ATRNL1: variants seen among roughly 807,000 people sequenced by gnomAD.
ATRNL1 encodes the protein attractin like 1.
ATRNL1 carries 95 observed loss-of-function variants against 182.7 expected under a neutral mutation model. The ratio of observed to expected loss-of-function variants is 0.52; its 90% CI spans 0.44 to 0.62. The LOEUF is 0.62. Among genes scored for constraint, ATRNL1 ranks in the 20% least tolerant of loss-of-function variants. ATRNL1 has a pLI of 0.00. For missense variants in ATRNL1, 1,471 were observed against 1,679.5 expected, an observed-to-expected ratio of 0.88 and a Z score of 2.17; for synonymous variants, 576 against 568.3, an observed-to-expected ratio of 1.01 and a Z score of -0.19.
chr10:115,448,182 C>T (rs1183335434), intron 21 of ATRNL1, among the ~76,000 whole-genome samples: 1 of 152,028 alleles, frequency 6.6e-6, no homozygotes, highest in Non-Finnish European at 1.5e-5. Context: ...CAGCAAATAT[C>T]TTCTCATAGT....
rs71010018 is a variant in ATRNL1, at chr10:115,381,449, T to TTTTTTTTTTTTTTTTTC, written c.3176-13210_3176-13209insTTTTTTTTTTTTTTTTC. Among the ~76,000 whole-genome samples, 8 of 144,416 alleles carry TTTTTTTTTTTTTTTTTC rather than the reference T, an allele frequency of 5.5e-5. No individual in the cohort carries two copies. In the South Asian group the frequency reaches 1.8e-3, roughly 32 times the overall value. 94.7% of individuals were successfully genotyped at this position (144,416 alleles called of 152,430 possible). On this transcript the variant is annotated intron_variant, in intron 19 of 28. Transcript: ENST00000355044. ...ACCTGGCAATTTTTTTTTTTTTTTT[T>TTTTTTTTTTTTTTTTTC]AGTAGACATGGGGTTTCTTCACCAT...
intron 26 of ATRNL1, among the ~76,000 whole-genome samples, chr10:115,584,447 G>C (rs1855364771): frequency 7.0e-6 from 1 of 141,852 alleles, no homozygotes; most frequent in African/African-American, 2.5e-5. Flanking sequence ...GGTCTATTCA[G>C]AGATTCAACT....
chr10:115,886,344 G>T lies in ATRNL1; in HGVS notation c.4018+38353G>T, dbSNP rs143025835. Among the ~76,000 whole-genome samples, 614 of 152,162 alleles carry T rather than the reference G, an allele frequency of 4.0e-3. 7 individuals carry two copies. Among genetic ancestry groups the T allele is most frequent in the African/African-American group, 0.015 (604 of 41,532 alleles). ...AGCCTGACTAACATGGAGAAACCCC[G>T]TCTCTACTAAAAATACAAAATTAGC... On this transcript the variant is annotated intron_variant, in intron 28 of 28. Transcript: ENST00000355044.
At chr10:115,925,735 C>T (rs1233443451) in intron 28 of ATRNL1, among the ~76,000 whole-genome samples, 2 of 152,120 alleles carry the variant, frequency 1.3e-5, no homozygotes, top group African/African-American at 4.8e-5. Flanking sequence ...TATACACGCA[C>T]CCAATACAGG....
chr10:115,652,427 T>C (rs782644136), intron 26 of ATRNL1, among the ~76,000 whole-genome samples: 13 of 152,122 alleles, frequency 8.5e-5, no homozygotes, highest in Non-Finnish European at 1.9e-4. Context: ...TAATAAGTTG[T>C]GATGCACATT....
intron 18 of ATRNL1, among the ~76,000 whole-genome samples, chr10:115,316,570 A>G (rs1245854037): frequency 6.6e-6 from 1 of 152,062 alleles, no homozygotes; most frequent in Non-Finnish European, 1.5e-5. Flanking sequence ...CCTCGCTAAC[A>G]TCTATTGTTT....
intron 8 of ATRNL1, among the ~76,000 whole-genome samples, chr10:115,174,925 C>G (rs782345142): frequency 6.6e-6 from 1 of 151,768 alleles, no homozygotes; most frequent in Non-Finnish European, 1.5e-5. Flanking sequence ...TAGTAAATGG[C>G]CCAAAGTTCC....
chr10:115,452,858 A>G lies in ATRNL1; in HGVS notation c.3323-9083A>G, dbSNP rs539363108. 2.0e-4 allele frequency among the ~76,000 whole-genome samples: 30 copies of G among 152,076 alleles called. No homozygotes were observed. In the South Asian group the frequency reaches 5.4e-3, roughly 27 times the overall value. ...AACCCTTCCCCTTTTCTTTCTCCCT[A>G]TCCCAGCACCTGGTAACCACCTTTC... is the stretch of plus-strand genomic sequence containing the variant. On this transcript the variant is annotated intron_variant, in intron 21 of 28. Coordinates refer to ENST00000355044, the MANE Select transcript of ATRNL1 (RefSeq NM_207303.4).
chr10:115,596,120 T>C (rs1250871542), intron 26 of ATRNL1, among the ~76,000 whole-genome samples: 1 of 152,194 alleles, frequency 6.6e-6, no homozygotes, highest in Non-Finnish European at 1.5e-5. Context: ...TATTCTTTTT[T>C]TTGAGACTGA....
At chr10:115,835,411 C>A (rs528778666) in intron 27 of ATRNL1, among the ~76,000 whole-genome samples, 1 of 152,260 alleles carries the variant, frequency 6.6e-6, no homozygotes, top group South Asian at 2.1e-4. Context: ...GCACCAAGAT[C>A]ATAATTTCTG....
At chr10:115,612,852 C>T (rs782091025) in intron 26 of ATRNL1, among the ~76,000 whole-genome samples, 1 of 151,626 alleles carries the variant, frequency 6.6e-6, no homozygotes, top group African/African-American at 2.4e-5. Flanking sequence ...CCAAGTTTGA[C>T]ACAAATGACT....
intron 19 of ATRNL1, among the ~76,000 whole-genome samples, chr10:115,350,640 C>G (rs1166316521): frequency 5.3e-5 from 8 of 151,936 alleles, no homozygotes; most frequent in Admixed American, 3.3e-4. Context: ...TGTCTTTATG[C>G]CAGTATCATG....
intron 2 of ATRNL1, 131 bp downstream of exon 2, chr10:115,120,399 C>T: frequency 2.2e-6 from 1 of 453,146 alleles, no homozygotes; most frequent in Non-Finnish European, 3.9e-6. Flanking sequence ...ATATTTACAA[C>T]TTCTAGACAT....
intron 5 of ATRNL1, among the ~76,000 whole-genome samples, chr10:115,155,316 T>C (rs1427897467): frequency 1.3e-5 from 2 of 152,068 alleles, no homozygotes; most frequent in African/African-American, 4.8e-5. Context: ...AGGTTTCTAT[T>C]GATATATGGG....
In ATRNL1 at chr10:115,809,420, T is replaced by C. The variant is rs920957162; in HGVS notation, c.3904-38457T>C. ...TGGACCAATATAGGGGGAATTGATA[T>C]CTGAAGTCTTGTGTCTCTTCTAAGC... is the stretch of plus-strand genomic sequence containing the variant. On this transcript the variant is annotated intron_variant, in intron 27 of 28. Transcript: ENST00000355044. 2.6e-5 allele frequency among the ~76,000 whole-genome samples: 4 copies of C among 152,070 alleles called. No individual in the cohort carries two copies. In the East Asian group the frequency reaches 7.7e-4, roughly 29 times the overall value.
intron 28 of ATRNL1, among the ~76,000 whole-genome samples, chr10:115,865,640 A>G (rs1346959062): frequency 6.6e-6 from 1 of 152,216 alleles, no homozygotes; most frequent in East Asian, 1.9e-4. Flanking sequence ...CAGGTAAAGA[A>G]ATGAGGTTAC....
chr10:115,358,248 G>C (rs568768697), intron 19 of ATRNL1, among the ~76,000 whole-genome samples: 1 of 151,746 alleles, frequency 6.6e-6, no homozygotes, highest in East Asian at 1.9e-4. Flanking sequence ...AGAAAAAAGA[G>C]ACAATTTTCT....
intron 26 of ATRNL1, among the ~76,000 whole-genome samples, chr10:115,620,398 C>T (rs1167384732): frequency 6.6e-6 from 1 of 151,930 alleles, no homozygotes; most frequent in Non-Finnish European, 1.5e-5. Context: ...GGACAGATAT[C>T]CAAATTATAT....
chr10:115,283,050 C>G (rs1554917490), intron 14 of ATRNL1, among the ~76,000 whole-genome samples: 2 of 151,930 alleles, frequency 1.3e-5, no homozygotes, highest in Non-Finnish European at 2.9e-5. Context: ...AATTCCATCA[C>G]AGAATTTGTC....
Sources: gnomAD v4.1 joint callset for allele counts (sites outside exome capture counted in the v4.1 genomes callset) on GRCh38, gnomAD v4.1.1 for gene constraint, MANE v1.5 for transcripts, NCBI Gene and HGNC (gene_info 2026-07-23, HGNC 2026-07-21) for gene names.